Variants in IQANK1 observed in about 807,000 individuals in gnomAD.
IQANK1 encodes the protein IQ motif and ankyrin repeat containing 1, also known as IQ motif and ankyrin repeat domain-containing protein 1.
A neutral mutation model predicts 22.6 loss-of-function variants in IQANK1; 30 were observed. The observed-to-expected ratio is 1.33, with a 90% CI of 0.99 to 1.80. The LOEUF is 1.80. Ranked by LOEUF, IQANK1 falls within the 40% of genes most tolerant of loss-of-function variation. The pLI is 0.00. For missense variants in IQANK1, 275 were observed against 235.2 expected, an observed-to-expected ratio of 1.17 and a Z score of -1.11; for synonymous variants, 122 against 99.6, an observed-to-expected ratio of 1.23 and a Z score of -1.34.
chr8:143,761,270 G>A (rs1261583753), intron 3 of IQANK1, among the ~76,000 whole-genome samples: 4 of 152,134 alleles, frequency 2.6e-5, no homozygotes, highest in Non-Finnish European at 5.9e-5. Context: ...GTGGCGGGAC[G>A]GCCTCCCGTC....
In IQANK1 at chr8:143,739,837, A is replaced by G; in HGVS notation, c.86-22A>G. ...GATGGGGGTCTCTCATCCCAAGCTC[A>G]CTGACGGTCGTTTTCCCTTAGGGAA... On this transcript the variant is annotated intron_variant, in intron 2 of 13. Coordinates refer to ENST00000527139, the MANE Select transcript of IQANK1 (RefSeq NM_001381874.1). The G allele has an allele frequency of 4.4e-6, 3 of 688,354 alleles. No individual in the cohort carries two copies. In the East Asian group the frequency reaches 8.3e-5, roughly 19 times the overall value. The allele number at this position is 688,354 out of a possible 1,614,324, so 42.6% of individuals were successfully genotyped here. A position where few individuals can be genotyped will look rare whatever the true frequency, so the allele number is the denominator to read the frequency against.
chr8:143,753,013 T>TC (rs1254926046), intron 3 of IQANK1, among the ~76,000 whole-genome samples: 4 of 141,638 alleles, frequency 2.8e-5, no homozygotes, highest in African/African-American at 8.0e-5. Context: ...TTTTTTTTTT[T>TC]TTTTTTTTGA....
chr8:143,743,659 A>G (rs1818968733), intron 3 of IQANK1, among the ~76,000 whole-genome samples: 2 of 152,222 alleles, frequency 1.3e-5, no homozygotes, highest in South Asian at 4.1e-4. Flanking sequence ...ATCTGGCAGG[A>G]CATTTAACAC....
intron 2 of IQANK1, among the ~76,000 whole-genome samples, chr8:143,736,478 G>A (rs560751011): frequency 6.6e-4 from 101 of 152,224 alleles, no homozygotes; most frequent in African/African-American, 2.3e-3. Flanking sequence ...GTTGGGGTGG[G>A]GGCCTAGGGG....
chr8:143,760,481 G>C (rs1477274018), intron 3 of IQANK1: 1 of 147,466 alleles, frequency 6.8e-6, no homozygotes, highest in African/African-American at 2.5e-5. Flanking sequence ...TTCAAGACCA[G>C]CCTGGGCAAC....
chr8:143,735,565 C>T lies in IQANK1; in HGVS notation c.-4-285C>T, dbSNP rs1303804932. On this transcript the variant is annotated intron_variant, in intron 1 of 13. Coordinates refer to ENST00000527139, the MANE Select transcript of IQANK1 (RefSeq NM_001381874.1). This position sits in a 1 kb window ranked among gnomAD's most constrained non-coding sequence, Gnocchi z 5.2. ...GAAGAGTGCTAGACTCCAGATCCTG[C>T]GCCCGGCAGGATGGGCTGAGCCTGG... 3.9e-5 allele frequency among the ~76,000 whole-genome samples: 6 copies of T among 152,256 alleles called. No individual in the cohort carries two copies. The East Asian group carries it at 9.7e-4, about 25-fold the overall frequency.
intron 3 of IQANK1, among the ~76,000 whole-genome samples, chr8:143,764,645 C>T (rs766111567): frequency 2.6e-5 from 4 of 151,944 alleles, no homozygotes; most frequent in Admixed American, 1.3e-4. Flanking sequence ...AAATAACAAA[C>T]GTGCAAACAT....
Position 143,776,237 on chromosome 8 carries a change from C to T in IQANK1, c.789+3755C>T, listed in dbSNP as rs576061055. Among the ~76,000 whole-genome samples, 4 of 144,218 alleles carry T rather than the reference C, an allele frequency of 2.8e-5. No homozygotes were observed. The East Asian group carries it at 8.5e-4, about 31-fold the overall frequency. The allele number at this position is 144,218 out of a possible 152,430, so 94.6% of individuals were successfully genotyped here. ...TCGGGAGGCTGAGGCAGGAGAATGG[C>T]GTGAACCCAAGAGGCAGAGCTTGCA... On this transcript the variant is annotated intron_variant, in intron 7 of 13. Coordinates refer to ENST00000527139, the MANE Select transcript of IQANK1 (RefSeq NM_001381874.1).
chr8:143,761,130 G>T (rs1036245221), intron 3 of IQANK1, among the ~76,000 whole-genome samples: 1 of 152,222 alleles, frequency 6.6e-6, no homozygotes. Flanking sequence ...CGCAGATCGG[G>T]GTAGGGCTGG....
intron 3 of IQANK1, among the ~76,000 whole-genome samples, chr8:143,769,994 T>C (rs1375983991): frequency 6.6e-6 from 1 of 152,178 alleles, no homozygotes; most frequent in African/African-American, 2.4e-5. Flanking sequence ...TCCCAGCTAC[T>C]CGGAGGCTGA....
At position 143,765,805 on chromosome 8, in the gene IQANK1, G is replaced by A. The variant is rs1433140590; in HGVS notation, c.176-5683G>A. ...GTAGCTGTGGTTCATGTTCATGGCT[G>A]TTTAGGTGTCTGTTATGTGCATATA... On this transcript the variant is annotated intron_variant, in intron 3 of 13. Transcript: ENST00000527139. Among the ~76,000 whole-genome samples the A allele has an allele frequency of 2.0e-5, 3 of 152,330 alleles. No individual in the cohort carries two copies. In the East Asian group the frequency reaches 5.8e-4, roughly 29 times the overall value.
At chr8:143,782,046 T>A (rs1276547709) in intron 7 of IQANK1, among the ~76,000 whole-genome samples, 2 of 152,204 alleles carry the variant, frequency 1.3e-5, no homozygotes, top group African/African-American at 4.8e-5. Flanking sequence ...GTTAGCTGTA[T>A]TCCTAGGTAT....
Position 143,735,798 on chromosome 8 carries a change from C to G in IQANK1, c.-4-52C>G. The G allele has an allele frequency of 1.4e-6, 1 of 701,054 alleles. No homozygotes were observed. The highest frequency in any genetic ancestry group is 2.6e-6 in the Non-Finnish European group (1 of 384,074). The allele number at this position is 701,054 out of a possible 1,614,324, so 43.4% of individuals were successfully genotyped here. A position where few individuals can be genotyped will look rare whatever the true frequency, so the allele number is the denominator to read the frequency against. On this transcript the variant is annotated intron_variant, in intron 1 of 13. Transcript: ENST00000527139. This position sits in a 1 kb window ranked among gnomAD's most constrained non-coding sequence, Gnocchi z 5.2. ...TGTTCCCCACTGCCACTGCCCCTGC[C>G]CTCTGCCACTCTGAGCACCCTCTCC...
chr8:143,776,886 A>G (rs1819696387), intron 7 of IQANK1, among the ~76,000 whole-genome samples: 2 of 151,928 alleles, frequency 1.3e-5, no homozygotes, highest in African/African-American at 4.8e-5. Context: ...GAAAAATCTC[A>G]TGATTCATAG....
chr8:143,777,557 A>T (rs1294783447), intron 7 of IQANK1, among the ~76,000 whole-genome samples: 1 of 151,402 alleles, frequency 6.6e-6, no homozygotes. Context: ...CTAAAAAAAA[A>T]TCCCAAAATA....
At chr8:143,776,290 C>T (rs1819682773) in intron 7 of IQANK1, among the ~76,000 whole-genome samples, 1 of 126,152 alleles carries the variant, frequency 7.9e-6, no homozygotes, top group Non-Finnish European at 1.5e-5. Context: ...CACTGCAGTC[C>T]GCAGTCCGGC....
intron 3 of IQANK1, chr8:143,742,662 G>A (rs529960776): frequency 1.2e-4 from 54 of 456,000 alleles, no homozygotes; most frequent in Middle Eastern, 3.3e-4. Context: ...AGGAAGGTGT[G>A]GCTGAGCCCC....
intron 3 of IQANK1, among the ~76,000 whole-genome samples, chr8:143,769,223 C>G (rs1278234363): frequency 6.6e-6 from 1 of 151,836 alleles, no homozygotes; most frequent in Non-Finnish European, 1.5e-5. Context: ...CTGCACCCAG[C>G]TAATTTTTAG....
At chr8:143,789,950 T>C in intron 11 of IQANK1, 21 bp from the exon 12 acceptor site, 1 of 1,232,018 alleles carries the variant, frequency 8.1e-7, no homozygotes, top group Non-Finnish European at 1.0e-6. Context: ...GCCTGTCAGC[T>C]GCACTCTGCT....
Sources: gnomAD v4.1 joint callset for allele counts (sites outside exome capture counted in the v4.1 genomes callset) on GRCh38, gnomAD v4.1.1 for gene constraint, Gnocchi (gnomAD v3.1) non-coding constraint, MANE v1.5 for transcripts, NCBI Gene and HGNC (gene_info 2026-07-23, HGNC 2026-07-21) for gene names.